The following EPS8L3 variants were observed in gnomAD, a reference collection of about 807,000 sequenced individuals.
EPS8L3 encodes epidermal growth factor receptor kinase substrate 8-like protein 3.
In EPS8L3, 80 loss-of-function variants were observed where a neutral mutation model predicts 88.5. The observed-to-expected ratio is 0.90, with a 90% confidence interval of 0.75 to 1.09. The LOEUF is 1.09. Among genes scored for constraint, EPS8L3 ranks in the 50% least tolerant of loss-of-function variants. EPS8L3 has a pLI of 0.00. For missense variants in EPS8L3, 721 were observed against 735.2 expected (o/e 0.98, Z 0.22); for synonymous variants, 286 against 291.0 (o/e 0.98, Z 0.18).
chr1:109,758,938 C>A (rs1047232000), intron 6 of EPS8L3, 124 bp downstream of exon 6: 2 of 1,078,828 alleles, frequency 1.9e-6, no homozygotes, highest in Non-Finnish European at 2.7e-6. Context: ...CCTGGCTCCT[C>A]CTCAGTCCAG....
At chr1:109,753,276 G>T in intron 12 of EPS8L3, 78 bp from the exon 13 acceptor site, 1 of 1,163,312 alleles carries the variant, frequency 8.6e-7, no homozygotes, top group Non-Finnish European at 1.2e-6. Flanking sequence ...GACAGGGAGG[G>T]GACGACAGGG....
chr1:109,754,523 T>A (rs1392669444), intron 12 of EPS8L3, among the ~76,000 whole-genome samples: 3 of 152,234 alleles, frequency 2.0e-5, no homozygotes, highest in Non-Finnish European at 4.4e-5. Context: ...TCTGACAATA[T>A]TACATTTAAA....
At chr1:109,751,489 G>A in intron 16 of EPS8L3, 138 bp from the exon 17 acceptor site, 1 of 1,349,874 alleles carries the variant, frequency 7.4e-7, no homozygotes, top group Non-Finnish European at 1.0e-6. Flanking sequence ...GCAGGGAGCT[G>A]GTCTTGTTCT....
In EPS8L3 at chr1:109,761,515, G is replaced by A. The variant is rs1320267881; in HGVS notation, c.76C>T (p.Leu26Phe). Residue 26 changes from leucine (L) to phenylalanine (F), a missense_variant, in exon 3 of 19, where the codon CTC becomes TTC. Physicochemically the swap from Leu to Phe is conservative, Grantham distance 22. Coordinates refer to ENST00000361965, the MANE Select transcript of EPS8L3 (RefSeq NM_133181.4). ...YSQNLTSEPT[L>F]LQHRVEHLMT... The stretch of plus-strand genomic sequence containing the variant: ...CTCACCTCCACCCTGTGCTGCAGGA[G>A]GGTGGGCTCTGAGGTGAGGTTCTGG... 1 of 1,613,398 alleles carries A rather than the reference G, an allele frequency of 6.2e-7. No individual in the cohort carries two copies. Among genetic ancestry groups the A allele is most frequent in the South Asian group, 1.1e-5 (1 of 91,042 alleles).
Position 109,758,011 on chromosome 1 carries a change from CT to C in EPS8L3, c.764del (p.Lys255SerfsTer51), listed in dbSNP as rs749818016. On this transcript the variant is annotated frameshift_variant, in exon 9 of 19. Transcript: ENST00000361965. LOFTEE classifies it high-confidence loss of function. ...TGGTCTTTGCCTGGGCCTTCTCCAG[CT>C]TTCCCATGAACAGCTCAATGTCCCT... The part of the protein sequence containing the change: ...VLRDIELFMG[K>X]LEKAQAKTSR... 8 of 1,614,088 alleles carry C rather than the reference CT, an allele frequency of 5.0e-6. No homozygotes were observed. The highest frequency in any genetic ancestry group is 2.7e-5 in the African/African-American group (2 of 74,940).
intron 13 of EPS8L3, 41 bp downstream of exon 13, chr1:109,753,076 A>G: frequency 1.9e-6 from 3 of 1,540,250 alleles, no homozygotes; most frequent in Non-Finnish European, 2.7e-6. Context: ...CTAGCCAGGG[A>G]CTAGGGCTGT....
Position 109,750,470 on chromosome 1 carries a change from A to G in EPS8L3, c.1771-68T>C, listed in dbSNP as rs1192605766. 4 of 1,604,238 alleles carry G rather than the reference A, an allele frequency of 2.5e-6. No homozygotes were observed. In the African/African-American group the frequency reaches 4.0e-5, roughly 16 times the overall value. ...GGGATCTGCAGAGCTTATGCCACCA[A>G]TAAGCTTGGAGCCTCAAGGTAAGCC... On this transcript the variant is annotated intron_variant, in intron 18 of 18. Coordinates refer to ENST00000361965, the MANE Select transcript of EPS8L3 (RefSeq NM_133181.4).
intron 11 of EPS8L3, 23 bp from the exon 12 acceptor site, chr1:109,757,188 C>T (rs769147193): frequency 6.3e-7 from 1 of 1,583,588 alleles, no homozygotes; most frequent in Non-Finnish European, 8.6e-7. Flanking sequence ...TGGAAGGTGT[C>T]AGGAAGCCTA....
chr1:109,753,089 G>A, intron 13 of EPS8L3, 28 bp downstream of exon 13: 1 of 1,584,884 alleles, frequency 6.3e-7, no homozygotes, highest in South Asian at 1.1e-5. Context: ...AGGGCTGTGG[G>A]TAGGGCTCTA....
chr1:109,750,365 G>A lies in EPS8L3; in HGVS notation c.*26C>T. The A allele has an allele frequency of 1.9e-6, 3 of 1,613,608 alleles. No homozygotes were observed. The highest frequency in any genetic ancestry group is 2.2e-5 in the East Asian group (1 of 44,890). On this transcript the variant is annotated 3_prime_UTR_variant, in exon 19 of 19. Transcript: ENST00000361965. ...TGCCATCTTGCATCAGCGGGGCCTG[G>A]TTCTTGGAGGTGTCTAAGCTGGTGC...
At chr1:109,762,348 T>C (rs575333051) in intron 1 of EPS8L3, among the ~76,000 whole-genome samples, 2 of 152,222 alleles carry the variant, frequency 1.3e-5, no homozygotes, top group South Asian at 4.2e-4. Context: ...AGTGTCTCCC[T>C]AGGCCTCCTG....
Position 109,759,893 on chromosome 1 carries a change from G to A in EPS8L3, c.97-57C>T. On this transcript the variant is annotated intron_variant, in intron 3 of 18. Transcript: ENST00000361965. This position sits in a 1 kb window ranked among gnomAD's most constrained non-coding sequence, Gnocchi z 4.2. ...AGAAAGCTCAGAGAGGTGGACCACA[G>A]GCGTGCTGGGTAGAGAAAAGCAGAA... 1.3e-6 allele frequency: 2 copies of A among 1,577,704 alleles called. No homozygotes were observed. Among genetic ancestry groups the A allele is most frequent in the Non-Finnish European group, 1.7e-6 (2 of 1,156,412 alleles).
rs539746728 is a variant in EPS8L3, at chr1:109,750,712, T to C, written c.1718A>G (p.Gln573Arg). ...CCGGGACAGGATTCGTGGGGCCTCC[T>C]GTGGACATAGCATCTGTAGCTCCCC... is the stretch of plus-strand genomic sequence containing the variant. ...RPGELQMLCP[Q>R]EAPRILSRLE... Residue 573 changes from glutamine to arginine, a missense_variant, in exon 18 of 19, where the codon CAG becomes CGG. By Grantham distance (43) the Gln-to-Arg change is conservative. Transcript: ENST00000361965. The C allele has an allele frequency of 1.2e-6, 2 of 1,614,196 alleles. No homozygotes were observed. Among genetic ancestry groups the C allele is most frequent in the Non-Finnish European group, 1.7e-6 (2 of 1,180,024 alleles).
rs1404164784 is a variant in EPS8L3 at position 109,759,150 on chromosome 1, T to A, written c.406-33A>T. On this transcript the variant is annotated intron_variant, in intron 5 of 18. Coordinates refer to ENST00000361965, the MANE Select transcript of EPS8L3 (RefSeq NM_133181.4). This position sits in a 1 kb window ranked among gnomAD's most constrained non-coding sequence, Gnocchi z 4.2. Reference sequence around the variant, plus strand: ...GCAGCAGTCAGGCAGGCTAAGTGTGTGTGTGTGTGTGTGTGTGTGTGTGTG... The same window carrying A: ...GCAGCAGTCAGGCAGGCTAAGTGTGAGTGTGTGTGTGTGTGTGTGTGTGTG... The A allele has an allele frequency of 7.3e-6, 3 of 412,358 alleles. No individual in the cohort carries two copies. Among genetic ancestry groups the A allele is most frequent in the South Asian group, 6.8e-5 (1 of 14,694 alleles). 25.5% of individuals were successfully genotyped at this position (412,358 alleles called of 1,614,324 possible).
intron 1 of EPS8L3, among the ~76,000 whole-genome samples, chr1:109,762,505 A>G (rs1275956451): frequency 6.6e-6 from 1 of 152,118 alleles, no homozygotes; most frequent in Non-Finnish European, 1.5e-5. Flanking sequence ...CTAATGCTGC[A>G]CTGGACCTTG....
At chr1:109,758,998 C>G (rs1650601050) in intron 6 of EPS8L3, 64 bp downstream of exon 6, 1 of 1,510,268 alleles carries the variant, frequency 6.6e-7, no homozygotes, top group Non-Finnish European at 9.0e-7. Flanking sequence ...GATATGGGGT[C>G]AGGGTCTGGC....
At chr1:109,762,111 G>T (rs540188605) in intron 1 of EPS8L3, among the ~76,000 whole-genome samples, 3 of 152,158 alleles carry the variant, frequency 2.0e-5, no homozygotes, top group Non-Finnish European at 4.4e-5. Flanking sequence ...AGGGACCTGC[G>T]TTCAGATCCT....
intron 17 of EPS8L3, 152 bp from the exon 18 acceptor site, chr1:109,750,944 C>G: frequency 4.4e-6 from 4 of 918,550 alleles, no homozygotes; most frequent in South Asian, 1.8e-5. Context: ...GTAAAGTCAG[C>G]ATTTGGCTTC....
intron 12 of EPS8L3, 55 bp from the exon 13 acceptor site, chr1:109,753,253 G>C: frequency 6.9e-7 from 1 of 1,439,592 alleles, no homozygotes; most frequent in East Asian, 2.3e-5. Context: ...CTGATGCCAG[G>C]CTGTGGGACG....
Sources: allele counts gnomAD v4.1 joint callset (sites outside exome capture counted in the v4.1 genomes callset), GRCh38; gene constraint gnomAD v4.1.1; non-coding constraint Gnocchi (gnomAD v3.1); transcripts MANE v1.5; gene names NCBI Gene and HGNC (gene_info 2026-07-23, HGNC 2026-07-21).